Variants in SPRY3 observed in about 807,000 individuals in gnomAD.
The protein encoded by SPRY3 is protein sprouty homolog 3.
Under a neutral mutation model 20.2 loss-of-function variants are expected in SPRY3, and 15 were observed. The observed-to-expected ratio is 0.74, with a 90% CI of 0.50 to 1.14. The LOEUF (loss-of-function observed/expected upper bound fraction) is 1.14, where lower values mean the gene tolerates loss of function less well. SPRY3 is among the 50% of genes most tolerant of loss of function. SPRY3 has a pLI of 0.00. For missense variants in SPRY3, 364 were observed against 363.9 expected, an observed-to-expected ratio of 1.00 and a Z score of 0.00; for synonymous variants, 143 against 136.5, an observed-to-expected ratio of 1.05 and a Z score of -0.33.
At chrX:155,677,243 A>T (rs1460765227) in intron 2 of SPRY3, among the ~76,000 whole-genome samples, 1 of 111,509 alleles carries the variant, frequency 9.0e-6, no homozygotes, top group Admixed American at 9.5e-5. Context: ...TTACTTGGAG[A>T]CATAGACTTA....
chrX:155,708,458 T>G (rs1157199420), intron 2 of SPRY3, among the ~76,000 whole-genome samples: 1 of 151,426 alleles, frequency 6.6e-6, no homozygotes, highest in Non-Finnish European at 1.5e-5. Flanking sequence ...CCTTTGTTAC[T>G]TAGCATCTTG....
intron 2 of SPRY3, among the ~76,000 whole-genome samples, chrX:155,752,392 C>T (rs1204559716): frequency 6.6e-6 from 1 of 150,766 alleles, no homozygotes; most frequent in Non-Finnish European, 1.5e-5. Flanking sequence ...AAAACATGAT[C>T]GATGAGTTTG....
chrX:155,717,488 A>G (rs1434429672), intron 2 of SPRY3, among the ~76,000 whole-genome samples: 8 of 152,092 alleles, frequency 5.3e-5, no homozygotes, highest in Admixed American at 4.6e-4. Flanking sequence ...TGCTGCACCC[A>G]TCAACCTGTC....
Position 155,697,522 on chromosome X carries a change from C to CACATATAT in SPRY3, c.-282+40498_-282+40499insCATATATA, listed in dbSNP as rs750002413. 4.7e-3 allele frequency among the ~76,000 whole-genome samples: 471 copies of CACATATAT among 99,328 alleles called. 5 individuals carry two copies. Among genetic ancestry groups the CACATATAT allele is most frequent in the African/African-American group, 0.017 (429 of 25,763 alleles). 86.3% of individuals were successfully genotyped at this position (99,328 alleles called of 115,157 possible). ...ACATACACACACACACACACACACACATATATATATATATACACATATATA... is the reference window on the plus strand; with the variant it reads ...ACATACACACACACACACACACACACACATATATATATATATATATATACACATATATA... On this transcript the variant is annotated intron_variant, in intron 2 of 3. Coordinates refer to ENST00000675360, the Ensembl canonical transcript of SPRY3.
At position 155,680,978 on chromosome X, in the gene SPRY3, T is replaced by C. The variant is rs763723599; in HGVS notation, c.-282+23953T>C. ...ATAAATGTTGTATGTGTTCTGACTG[T>C]TCCACTGAACAGCCATTCCCTTGTC... On this transcript the variant is annotated intron_variant, in intron 2 of 3. Transcript: ENST00000675360. Among the ~76,000 whole-genome samples the C allele has an allele frequency of 6.3e-5, 7 of 111,925 alleles. No individual in the cohort carries two copies. In the East Asian group the frequency reaches 2.0e-3, roughly 31 times the overall value.
intron 2 of SPRY3, among the ~76,000 whole-genome samples, chrX:155,733,330 C>CAT (rs886775306): frequency 6.7e-6 from 1 of 148,176 alleles, no homozygotes; most frequent in Admixed American, 6.8e-5. Context: ...TATATATACA[C>CAT]ATATATATGC....
intron 2 of SPRY3, among the ~76,000 whole-genome samples, chrX:155,757,565 C>A (rs2091288143): frequency 6.6e-6 from 1 of 152,128 alleles, no homozygotes; most frequent in African/African-American, 2.4e-5. Context: ...TATTTTCCAT[C>A]ACCCCAGGCA....
intron 2 of SPRY3, among the ~76,000 whole-genome samples, chrX:155,672,527 G>A (rs192928198): frequency 1.2e-4 from 13 of 110,958 alleles, no homozygotes; most frequent in Non-Finnish European, 9.4e-5. Context: ...ACCATCTCAC[G>A]CCAGGTAGAA....
intron 2 of SPRY3, chrX:155,767,724 G>GGAGGAGGAGAAAGAA (rs2091346148): frequency 2.0e-5 from 2 of 99,350 alleles, no homozygotes; most frequent in Admixed American, 9.9e-5. Flanking sequence ...AGGAGAAAGA[G>GGAGGAGGAGAAAGAA]GAGGAGGAGG....
intron 2 of SPRY3, among the ~76,000 whole-genome samples, chrX:155,744,461 C>T (rs2091216708): frequency 6.6e-6 from 1 of 152,206 alleles, no homozygotes; most frequent in East Asian, 1.9e-4. Flanking sequence ...TGTTGGGTGA[C>T]ATTTCCCTGC....
At chrX:155,748,725 C>T (rs2091242120) in intron 2 of SPRY3, among the ~76,000 whole-genome samples, 1 of 151,924 alleles carries the variant, frequency 6.6e-6, no homozygotes, top group South Asian at 2.1e-4. Context: ...AATCAGAAGA[C>T]AAGCTAACCA....
At chrX:155,773,953 G>C (rs746591994) in exon 4 of SPRY3, 2 of 1,613,954 alleles carry the variant, frequency 1.2e-6, no homozygotes, top group South Asian at 2.2e-5. Flanking sequence ...CAATGACTAC[G>C]TGGAACGGCC....
intron 3 of SPRY3, among the ~76,000 whole-genome samples, chrX:155,773,560 C>G (rs994997217): frequency 2.3e-4 from 35 of 151,834 alleles, no homozygotes; most frequent in African/African-American, 6.8e-4. Context: ...ATATTTGTTC[C>G]CAAACTTCTT....
chrX:155,754,270 T>C (rs1569396174), intron 2 of SPRY3, among the ~76,000 whole-genome samples: 1 of 152,034 alleles, frequency 6.6e-6, no homozygotes. Flanking sequence ...GTACAGCATA[T>C]GATTTGAAGT....
chrX:155,721,916 A>T (rs902452582), intron 2 of SPRY3, among the ~76,000 whole-genome samples: 8 of 152,162 alleles, frequency 5.3e-5, no homozygotes, highest in African/African-American at 1.9e-4. Context: ...ACAGAATATT[A>T]TAACACTGTA....
chrX:155,768,069 G>C (rs893410959), exon 3 of SPRY3: 12 of 152,174 alleles, frequency 7.9e-5, no homozygotes, highest in East Asian at 5.8e-4. Context: ...GAGGAGAAGA[G>C]ATCCTTTGAG....
chrX:155,709,975 A>G lies in SPRY3; in HGVS notation c.-282+52950A>G, dbSNP rs189794610. On this transcript the variant is annotated intron_variant, in intron 2 of 3. Coordinates refer to ENST00000675360, the Ensembl canonical transcript of SPRY3. ...TACAGAAAGTGAGTTCACTGTAGGT[A>G]TGTGGATTTGTTTCTGGGTTCTCTA... is the stretch of plus-strand genomic sequence containing the variant. Among the ~76,000 whole-genome samples the G allele has an allele frequency of 5.4e-3, 818 of 151,570 alleles. 6 individuals carry two copies. The highest frequency in any genetic ancestry group is 0.019 in the African/African-American group (776 of 41,426).
At chrX:155,723,332 G>C (rs915983215) in intron 2 of SPRY3, among the ~76,000 whole-genome samples, 5 of 152,096 alleles carry the variant, frequency 3.3e-5, no homozygotes, top group South Asian at 2.1e-4. Context: ...GGTATTTCTA[G>C]TTCTAGATCC....
At chrX:155,684,648 T>C (rs2068082665) in intron 2 of SPRY3, among the ~76,000 whole-genome samples, 1 of 111,863 alleles carries the variant, frequency 8.9e-6, no homozygotes, top group Non-Finnish European at 1.9e-5. Context: ...ATCAAACGTG[T>C]TGTAAGGAAC....
Sources: allele counts gnomAD v4.1 joint callset (sites outside exome capture counted in the v4.1 genomes callset), GRCh38; gene constraint gnomAD v4.1.1; transcripts MANE v1.5; gene names NCBI Gene and HGNC (gene_info 2026-07-23, HGNC 2026-07-21).